The following PPIL4 variants were observed in gnomAD, a reference collection of about 807,000 sequenced individuals.
PPIL4 encodes peptidyl-prolyl cis-trans isomerase-like 4.
A neutral mutation model predicts 69.1 loss-of-function variants in PPIL4; 50 were observed. That is an observed-to-expected ratio of 0.72 (90% CI 0.58 to 0.92). The LOEUF (loss-of-function observed/expected upper bound fraction) is 0.92, where lower values mean the gene tolerates loss of function less well. Among genes scored for constraint, PPIL4 ranks in the 40% least tolerant of loss-of-function variants. PPIL4 has a pLI of 0.00. For missense variants in PPIL4, 480 were observed against 587.9 expected, an observed-to-expected ratio of 0.82 and a Z score of 1.90; for synonymous variants, 193 against 191.6, an observed-to-expected ratio of 1.01 and a Z score of -0.06.
chr6:149,512,779 G>C (rs1776873685), intron 11 of PPIL4, among the ~76,000 whole-genome samples: 1 of 152,022 alleles, frequency 6.6e-6, no homozygotes, highest in South Asian at 2.1e-4. Flanking sequence ...GTCTTGCCCT[G>C]TTGCCCGAGC....
rs34176914 is a variant in PPIL4, at chr6:149,531,363, CAAAAAAAA to C, written c.678+2087_678+2094del. Among the ~76,000 whole-genome samples, 284 of 65,860 alleles carry C rather than the reference CAAAAAAAA, an allele frequency of 4.3e-3. 4 individuals carry two copies. Among genetic ancestry groups the C allele is most frequent in the Non-Finnish European group, 2.7e-3 (93 of 34,284 alleles). 43.2% of individuals were successfully genotyped at this position (65,860 alleles called of 152,430 possible). A position where few individuals can be genotyped will look rare whatever the true frequency, so the allele number is the denominator to read the frequency against. The stretch of plus-strand genomic sequence containing the variant: ...CTGATAACAGAGCGAGATTCTGTCT[CAAAAAAAA>C]AAAAAAAAAAAAAATTAGCCAGGCG... On this transcript the variant is annotated intron_variant, in intron 7 of 12. Transcript: ENST00000253329.
chr6:149,520,172 GT>G (rs1777007994), intron 10 of PPIL4, among the ~76,000 whole-genome samples: 1 of 152,092 alleles, frequency 6.6e-6, no homozygotes, highest in Non-Finnish European at 1.5e-5. Context: ...AAAACAGTAT[GT>G]ATAGCCTGCA....
chr6:149,536,602 C>A (rs1008161098), intron 4 of PPIL4, among the ~76,000 whole-genome samples: 7 of 152,052 alleles, frequency 4.6e-5, no homozygotes, highest in Non-Finnish European at 1.0e-4. Flanking sequence ...AAGCCTAATT[C>A]CAAACAAGCC....
intron 11 of PPIL4, among the ~76,000 whole-genome samples, chr6:149,512,806 G>A (rs1208676879): frequency 1.4e-4 from 22 of 151,854 alleles, no homozygotes; most frequent in Admixed American, 1.1e-3. Context: ...GCAGTGGCGC[G>A]ATCTCAGCTC....
intron 12 of PPIL4, among the ~76,000 whole-genome samples, chr6:149,510,466 G>A (rs1040008692): frequency 5.3e-5 from 8 of 152,218 alleles, no homozygotes; most frequent in South Asian, 2.1e-4. Context: ...AAACAGGGCC[G>A]GGCGCGGTGG....
At chr6:149,525,346 C>A in intron 8 of PPIL4, 137 bp from the exon 9 acceptor site, 1 of 522,330 alleles carries the variant, frequency 1.9e-6, no homozygotes, top group Non-Finnish European at 3.4e-6. Context: ...TTTCCAAATT[C>A]ATTTAATAAC....
intron 10 of PPIL4, among the ~76,000 whole-genome samples, chr6:149,519,864 C>G (rs1157152410): frequency 1.3e-5 from 2 of 152,172 alleles, no homozygotes; most frequent in African/African-American, 4.8e-5. Flanking sequence ...TAAAATTTAG[C>G]ATTACATGTG....
intron 6 of PPIL4, among the ~76,000 whole-genome samples, chr6:149,534,388 A>G (rs75317794): frequency 1.4e-3 from 207 of 152,294 alleles, no homozygotes; most frequent in African/African-American, 4.8e-3. Flanking sequence ...ACCTCACAAG[A>G]TAACAGTTTA....
chr6:149,536,552 T>A (rs1330796776), intron 4 of PPIL4, among the ~76,000 whole-genome samples: 1 of 151,978 alleles, frequency 6.6e-6, no homozygotes, highest in Non-Finnish European at 1.5e-5. Flanking sequence ...GTTTTAGTAA[T>A]CTACATAGGT....
intron 7 of PPIL4, among the ~76,000 whole-genome samples, chr6:149,531,975 C>T (rs1244269086): frequency 6.6e-6 from 1 of 152,154 alleles, no homozygotes; most frequent in Middle Eastern, 3.2e-3. Context: ...GCCCTATAAA[C>T]TGTAATTTCT....
At chr6:149,536,814 G>A (rs1583211967) in intron 4 of PPIL4, among the ~76,000 whole-genome samples, 1 of 152,048 alleles carries the variant, frequency 6.6e-6, no homozygotes, top group East Asian at 1.9e-4. Context: ...AGGTGAAGCA[G>A]CAAGTGCTGA....
chr6:149,530,700 T>C (rs1267404022), intron 7 of PPIL4, among the ~76,000 whole-genome samples: 1 of 151,320 alleles, frequency 6.6e-6, no homozygotes, highest in Non-Finnish European at 1.5e-5. Context: ...TACAGTAGAA[T>C]GCAGGTTGGT....
intron 3 of PPIL4, 33 bp downstream of exon 3, chr6:149,541,334 T>G (rs771577598): frequency 1.1e-6 from 1 of 906,780 alleles, no homozygotes; most frequent in South Asian, 3.6e-5. Flanking sequence ...AATAAATAAA[T>G]AAATAAATAA....
chr6:149,535,725 G>T lies in PPIL4; in HGVS notation c.335C>A (p.Thr112Lys). Reference sequence around the variant, plus strand: ...ATCAAGATAATCTAGATTTTCTCCTGTGGTGATAAGAAACTATAAAGAAGG... The same window carrying T: ...ATCAAGATAATCTAGATTTTCTCCTTTGGTGATAAGAAACTATAAAGAAGG... ...DQHGSQFLIT[T>K]GENLDYLDGV... is the part of the protein sequence containing the mutation. Residue 112 changes from threonine to lysine, a missense_variant, in exon 5 of 13, where the codon ACA becomes AAA. Physicochemically the swap from Thr to Lys is moderately conservative, Grantham distance 78. Transcript: ENST00000253329. 1 of 1,600,746 alleles carries T rather than the reference G, an allele frequency of 6.2e-7. No individual in the cohort carries two copies. The highest frequency in any genetic ancestry group is 8.5e-7 in the Non-Finnish European group (1 of 1,172,080).
chr6:149,526,473 T>A (rs1270424960), intron 8 of PPIL4, among the ~76,000 whole-genome samples, 179 bp downstream of exon 8: 2 of 152,198 alleles, frequency 1.3e-5, no homozygotes, highest in African/African-American at 4.8e-5. Context: ...TGCACGTATG[T>A]ATGTATGTCT....
At chr6:149,539,687 T>C (rs1176335064) in intron 4 of PPIL4, among the ~76,000 whole-genome samples, 2 of 152,156 alleles carry the variant, frequency 1.3e-5, no homozygotes, top group Admixed American at 6.5e-5. Flanking sequence ...TCAGTTGTCT[T>C]ATTTTAAGAA....
chr6:149,541,012 G>GGGAC lies in PPIL4; in HGVS notation c.247_250dup (p.Pro84ArgfsTer5), dbSNP rs1777351405. 2 of 1,612,286 alleles carry GGGAC rather than the reference G, an allele frequency of 1.2e-6. No individual in the cohort carries two copies. The highest frequency in any genetic ancestry group is 4.5e-5 in the East Asian group (2 of 44,798). ...GCCTTTCTTCTTGTGCTTAATTCTTGGGACTTTTTCTGCCTCAAAAAAGCT... is the reference window on the plus strand; with the variant it reads ...GCCTTTCTTCTTGTGCTTAATTCTTGGGACGGACTTTTTCTGCCTCAAAAAAGCT... On this transcript the variant is annotated frameshift_variant, in exon 4 of 13. Coordinates refer to ENST00000253329, the MANE Select transcript of PPIL4 (RefSeq NM_139126.4). LOFTEE classifies it high-confidence loss of function.
intron 12 of PPIL4, among the ~76,000 whole-genome samples, chr6:149,506,459 C>T (rs1776773167): frequency 6.6e-6 from 1 of 152,068 alleles, no homozygotes; most frequent in Non-Finnish European, 1.5e-5. Context: ...GCAACAAGAG[C>T]GAAACTCCAT....
intron 5 of PPIL4, 131 bp downstream of exon 5, chr6:149,535,461 TATTA>T: frequency 2.0e-6 from 1 of 489,186 alleles, no homozygotes; most frequent in Non-Finnish European, 3.5e-6. Flanking sequence ...TACAGTCTTA[TATTA>T]ATTCACCTTT....
Sources: gnomAD v4.1 joint callset for allele counts (sites outside exome capture counted in the v4.1 genomes callset) on GRCh38, gnomAD v4.1.1 for gene constraint, MANE v1.5 for transcripts, NCBI Gene and HGNC (gene_info 2026-07-23, HGNC 2026-07-21) for gene names.